ACTN2: variants seen among roughly 807,000 people sequenced by gnomAD.
ACTN2 encodes alpha-actinin-2.
In ACTN2, 39 loss-of-function variants were observed where a neutral mutation model predicts 113.8. The ratio of observed to expected loss-of-function variants is 0.34; its 90% confidence interval spans 0.27 to 0.45. The LOEUF is 0.45. ACTN2 is among the 20% of genes least tolerant of loss of function. The pLI is 1.00. For synonymous variants in ACTN2, 429 were observed against 444.1 expected (o/e 0.97, Z 0.43); for missense variants, 992 against 1,177.9 (o/e 0.84, Z 2.31).
rs142646143 is a variant in ACTN2 at position 236,762,611 on chromosome 1, G to T, written c.2677G>T (p.Asp893Tyr). 6.2e-7 allele frequency: 1 copy of T among 1,613,950 alleles called. No individual in the cohort carries two copies. The highest frequency in any genetic ancestry group is 1.1e-5 in the South Asian group (1 of 91,054). ...CTCTTCCGCACTCTACGGGGAGAGC[G>T]ATCTGTGATGCTGAGCTTCTGTAAT... is the stretch of plus-strand genomic sequence containing the variant. ...AFSSALYGESDL is the reference protein window; with the variant it reads ...AFSSALYGESYL Residue 893 changes from aspartate to tyrosine, a missense_variant, in exon 21 of 21, where the codon GAT (aspartate) becomes TAT (tyrosine). By Grantham distance (160) the Asp-to-Tyr change is radical. Transcript: ENST00000366578.
intron 6 of ACTN2, among the ~76,000 whole-genome samples, chr1:236,728,936 G>A (rs1658639825): frequency 6.6e-6 from 1 of 151,918 alleles, no homozygotes; most frequent in Non-Finnish European, 1.5e-5. Context: ...GATGGAAAAA[G>A]ATATCAATGT....
intron 1 of ACTN2, among the ~76,000 whole-genome samples, chr1:236,694,786 C>T (rs551148661): frequency 1.2e-4 from 19 of 152,144 alleles, no homozygotes; most frequent in Non-Finnish European, 2.2e-4. Flanking sequence ...CTGTCGAGGC[C>T]GGGTGTGGTG....
chr1:236,762,354 A>T, intron 20 of ACTN2, 107 bp from the exon 21 acceptor site: 1 of 1,434,268 alleles, frequency 7.0e-7, no homozygotes, highest in Non-Finnish European at 9.8e-7. Context: ...CCTATTCTTT[A>T]GTCCTTTTAA....
chr1:236,713,454 T>G (rs1406380972), intron 1 of ACTN2, among the ~76,000 whole-genome samples: 1 of 152,194 alleles, frequency 6.6e-6, no homozygotes, highest in Non-Finnish European at 1.5e-5. Flanking sequence ...CTTGCACTCC[T>G]GATCTCAAGT....
chr1:236,689,636 A>T (rs1258701865), intron 1 of ACTN2, among the ~76,000 whole-genome samples: 1 of 152,154 alleles, frequency 6.6e-6, no homozygotes, highest in Non-Finnish European at 1.5e-5. Context: ...TAAGGATATG[A>T]GCCACGATGC....
Position 236,735,659 on chromosome 1 carries a change from A to G in ACTN2, c.722A>G (p.Asp241Gly). ...GACATCGTGAACACCCCTAAACCCG[A>G]TGAAAGAGCCATCATGACGTACGTC... ...AEDIVNTPKP[D>G]ERAIMTYVSC... The change falls in exon 8 of 21, where the codon GAT (aspartate) becomes GGT (glycine). Residue 241 changes from aspartate (D) to glycine (G), a missense_variant. Physicochemically the swap from Asp to Gly is moderately conservative, Grantham distance 94. Transcript: ENST00000366578. The G allele has an allele frequency of 6.2e-7, 1 of 1,614,122 alleles. No homozygotes were observed. The highest frequency in any genetic ancestry group is 8.5e-7 in the Non-Finnish European group (1 of 1,180,008).
At chr1:236,729,618 G>T (rs79726766) in intron 6 of ACTN2, among the ~76,000 whole-genome samples, 2,398 of 152,296 alleles carry the variant, frequency 0.016, 20 homozygotes, top group Middle Eastern at 0.051. Flanking sequence ...ATACAGGGTA[G>T]CATGTGAAGA....
chr1:236,733,469 C>A (rs1658771269), intron 7 of ACTN2, among the ~76,000 whole-genome samples: 1 of 152,198 alleles, frequency 6.6e-6, no homozygotes, highest in Non-Finnish European at 1.5e-5. Flanking sequence ...TGTGTTAGCA[C>A]TGTGTTCATT....
chr1:236,724,431 C>G (rs1658488570), intron 4 of ACTN2, among the ~76,000 whole-genome samples: 1 of 152,218 alleles, frequency 6.6e-6, no homozygotes, highest in Non-Finnish European at 1.5e-5. Context: ...GGGAAAATGC[C>G]TATGCAGGAT....
chr1:236,734,036 C>T (rs1230663788), intron 7 of ACTN2, among the ~76,000 whole-genome samples: 4 of 152,156 alleles, frequency 2.6e-5, no homozygotes, highest in Non-Finnish European at 4.4e-5. Flanking sequence ...ACATTTGCTC[C>T]ATGAAAACCT....
chr1:236,707,714 T>C (rs1479596182), intron 1 of ACTN2, among the ~76,000 whole-genome samples: 1 of 131,880 alleles, frequency 7.6e-6, no homozygotes, highest in Non-Finnish European at 1.6e-5. Context: ...TTTTTCTTTT[T>C]TTTTTTTTTT....
chr1:236,691,930 C>T (rs188946357), intron 1 of ACTN2, among the ~76,000 whole-genome samples: 6 of 152,284 alleles, frequency 3.9e-5, no homozygotes, highest in East Asian at 3.9e-4. Context: ...GTTGGATCCA[C>T]GAAAAAGGGC....
Position 236,754,006 on chromosome 1 carries a change from T to C in ACTN2, c.1899T>C (p.His633=). Reference sequence around the variant, plus strand: ...TGCAGGAGGAGCTGGCTCGCCAGCATGCTAACGAGCGTCTGAGGCGCCAGT... The same window carrying C: ...TGCAGGAGGAGCTGGCTCGCCAGCACGCTAACGAGCGTCTGAGGCGCCAGT... ...QSLQEELARQ[H]ANERLRRQFA... Residue 633 remains histidine, a synonymous_variant, in exon 16 of 21, where the codon CAT becomes CAC. Transcript: ENST00000366578. The surrounding 1 kb of genome is among the most constrained non-coding windows in gnomAD (Gnocchi z 4.9). 1 of 1,614,212 alleles carries C rather than the reference T, an allele frequency of 6.2e-7. No homozygotes were observed. The highest frequency in any genetic ancestry group is 1.7e-5 in the Admixed American group (1 of 60,026).
chr1:236,718,514 G>T (rs61831764), intron 2 of ACTN2, among the ~76,000 whole-genome samples: 12 of 152,188 alleles, frequency 7.9e-5, no homozygotes, highest in African/African-American at 2.7e-4. Flanking sequence ...AACGAGCCCT[G>T]GCAGCCACCT....
In ACTN2 at chr1:236,709,220, G is replaced by GTGTGTGTGTATATA. The variant is rs1275373436; in HGVS notation, c.127-8637_127-8636insGTGTGTGTATATAT. Among the ~76,000 whole-genome samples, 45 of 66,848 alleles carry GTGTGTGTGTATATA rather than the reference G, an allele frequency of 6.7e-4. 1 individual carries two copies. Among genetic ancestry groups the GTGTGTGTGTATATA allele is most frequent in the Admixed American group, 6.5e-3 (29 of 4,468 alleles). 43.9% of individuals were successfully genotyped at this position (66,848 alleles called of 152,430 possible). A position where few individuals can be genotyped will look rare whatever the true frequency, so the allele number is the denominator to read the frequency against. ...ATAAAGCTGATCATGACAAATGACTGTATATATATATATATATATATATAT... is the reference window on the plus strand; with the variant it reads ...ATAAAGCTGATCATGACAAATGACTGTGTGTGTGTATATATATATATATATATATATATATATAT... On this transcript the variant is annotated intron_variant, in intron 1 of 20. Transcript: ENST00000366578.
intron 13 of ACTN2, chr1:236,748,155 G>A (rs1279639845): frequency 3.5e-6 from 1 of 282,324 alleles, no homozygotes; most frequent in Non-Finnish European, 6.9e-6. Context: ...GTTGAAGTGA[G>A]TACATTGATA....
At chr1:236,759,687 T>C in intron 18 of ACTN2, 37 bp from the exon 19 acceptor site, 1 of 1,590,570 alleles carries the variant, frequency 6.3e-7, no homozygotes, top group Non-Finnish European at 8.6e-7. Context: ...CATCTTGCCC[T>C]GTGCTCACCT....
intron 1 of ACTN2, among the ~76,000 whole-genome samples, chr1:236,698,419 T>A (rs917091413): frequency 1.3e-5 from 2 of 152,202 alleles, no homozygotes; most frequent in Non-Finnish European, 2.9e-5. Context: ...TAGAAAACCG[T>A]AATCCACTTA....
At chr1:236,758,452 ATTT>A (rs774302653) in intron 18 of ACTN2, among the ~76,000 whole-genome samples, 7 of 128,384 alleles carry the variant, frequency 5.5e-5, no homozygotes, top group African/African-American at 1.8e-4. Flanking sequence ...TGCCTGGCTA[ATTT>A]TTTTTTTTTT....
Sources: allele counts gnomAD v4.1 joint callset (sites outside exome capture counted in the v4.1 genomes callset), GRCh38; gene constraint gnomAD v4.1.1; non-coding constraint Gnocchi (gnomAD v3.1); transcripts MANE v1.5; gene names NCBI Gene and HGNC (gene_info 2026-07-23, HGNC 2026-07-21).